Variants in TMEM68 observed in about 807,000 individuals in gnomAD.
The protein encoded by TMEM68 is DGAT1/2-independent enzyme synthesizing storage lipids.
A neutral mutation model predicts 36.9 loss-of-function variants in TMEM68; 25 were observed. The observed-to-expected ratio is 0.68, with a 90% CI of 0.49 to 0.95. The LOEUF is 0.95. Ranked by LOEUF, TMEM68 falls within the 40% of genes least tolerant of loss-of-function variation. TMEM68 has a pLI of 0.00. For synonymous variants in TMEM68, 131 were observed against 124.4 expected, an observed-to-expected ratio of 1.05 and a Z score of -0.35; for missense variants, 333 against 392.0, an observed-to-expected ratio of 0.85 and a Z score of 1.27.
chr8:55,743,626 T>G lies in TMEM68; in HGVS notation c.749-6A>C. On this transcript the variant is annotated splice_region_variant and splice_polypyrimidine_tract_variant and intron_variant, in intron 6 of 7. Coordinates refer to ENST00000434581, the MANE Select transcript of TMEM68 (RefSeq NM_001286657.2). ...ATAAAGCCACCTAAATAACCCTGTTTTAGAGTAAATACAATCATTTTAACT... is the reference window on the plus strand; with the variant it reads ...ATAAAGCCACCTAAATAACCCTGTTGTAGAGTAAATACAATCATTTTAACT... 1 of 1,531,552 alleles carries G rather than the reference T, an allele frequency of 6.5e-7. No homozygotes were observed. 94.9% of individuals were successfully genotyped at this position (1,531,552 alleles called of 1,614,324 possible).
intron 7 of TMEM68, among the ~76,000 whole-genome samples, chr8:55,741,276 C>T (rs1441775231): frequency 6.6e-6 from 1 of 152,070 alleles, no homozygotes; most frequent in Non-Finnish European, 1.5e-5. Context: ...CCACAGTTTT[C>T]ATACCTGTAA....
chr8:55,749,339 T>C (rs1810368761), intron 5 of TMEM68, among the ~76,000 whole-genome samples: 1 of 152,238 alleles, frequency 6.6e-6, no homozygotes, highest in Admixed American at 6.5e-5. Context: ...TAATTTCTAT[T>C]ACTATGTTAC....
chr8:55,752,412 C>T (rs1043762776), intron 4 of TMEM68, among the ~76,000 whole-genome samples: 1 of 151,912 alleles, frequency 6.6e-6, no homozygotes, highest in Non-Finnish European at 1.5e-5. Flanking sequence ...CATGGCAAAA[C>T]CCCATCTCTA....
chr8:55,763,433 G>A (rs1810866225), intron 2 of TMEM68: 1 of 152,482 alleles, frequency 6.6e-6, no homozygotes, highest in Non-Finnish European at 1.5e-5. Context: ...CTTTTGCTCG[G>A]GCTGGAGTAC....
intron 4 of TMEM68, among the ~76,000 whole-genome samples, chr8:55,752,655 T>C (rs769519684): frequency 8.6e-5 from 13 of 151,288 alleles, no homozygotes; most frequent in Non-Finnish European, 1.9e-4. Flanking sequence ...TTCAACTAGA[T>C]GCATTCTCAT....
At chr8:55,769,999 C>T (rs915180010) in intron 1 of TMEM68, among the ~76,000 whole-genome samples, 5 of 152,166 alleles carry the variant, frequency 3.3e-5, no homozygotes, top group African/African-American at 1.2e-4. Context: ...AGAGAACTAT[C>T]AGAGGAATTT....
chr8:55,763,057 T>C, intron 2 of TMEM68, 29 bp from the exon 3 acceptor site: 1 of 1,304,590 alleles, frequency 7.7e-7, no homozygotes, highest in Non-Finnish European at 1.0e-6. Flanking sequence ...CCAGTATTAT[T>C]TTCTCCACAG....
chr8:55,743,487 AG>A lies in TMEM68; in HGVS notation c.881del (p.Ala294ValfsTer11). The part of the protein sequence containing the change: ...YDPQITAEEL[A>X]EKTKNAVQAL... ...AAAAGAAAAAGCAATTTACCTTTTC[AG>A]CTAATTCTTCCGCTGTTATCTGTGG... On this transcript the variant is annotated frameshift_variant, in exon 7 of 8. Transcript: ENST00000434581. LOFTEE classifies it high-confidence loss of function. 3.9e-6 allele frequency: 6 copies of A among 1,524,330 alleles called. No homozygotes were observed. Among genetic ancestry groups the A allele is most frequent in the Non-Finnish European group, 5.2e-6 (6 of 1,144,022 alleles). The allele number at this position is 1,524,330 out of a possible 1,614,324, so 94.4% of individuals were successfully genotyped here. A position where few individuals can be genotyped will look rare whatever the true frequency, so the allele number is the denominator to read the frequency against.
rs547648405 is a variant in TMEM68 at position 55,741,801 on chromosome 8, C to T, written c.889-1583G>A. Reference sequence around the variant, plus strand: ...TATTCAAAAGCTGGGTAAGGTAAGGCTTTAAAATTAATTTCAATTAAATCA... The same window carrying T: ...TATTCAAAAGCTGGGTAAGGTAAGGTTTTAAAATTAATTTCAATTAAATCA... On this transcript the variant is annotated intron_variant, in intron 7 of 7. Coordinates refer to ENST00000434581, the MANE Select transcript of TMEM68 (RefSeq NM_001286657.2). Among the ~76,000 whole-genome samples, 17 of 152,152 alleles carry T rather than the reference C, an allele frequency of 1.1e-4. 1 individual carries two copies. The South Asian group carries it at 3.5e-3, about 32-fold the overall frequency.
chr8:55,766,568 G>C (rs551115092), intron 1 of TMEM68, among the ~76,000 whole-genome samples: 1 of 152,050 alleles, frequency 6.6e-6, no homozygotes, highest in African/African-American at 2.4e-5. Flanking sequence ...AGTAGAGACA[G>C]GGTTTCACCA....
At position 55,756,431 on chromosome 8, in the gene TMEM68, C is replaced by T. The variant is rs778833435; in HGVS notation, c.326-20G>A. ...CATAACCTGTTTGAATGACAAAATG[C>T]AAATACTTAAAATATATTCATTAAT... is the stretch of plus-strand genomic sequence containing the variant. On this transcript the variant is annotated intron_variant, in intron 3 of 7. Coordinates refer to ENST00000434581, the MANE Select transcript of TMEM68 (RefSeq NM_001286657.2). The T allele has an allele frequency of 1.3e-6, 2 of 1,543,670 alleles. No individual in the cohort carries two copies. Among genetic ancestry groups the T allele is most frequent in the Admixed American group, 4.5e-5 (2 of 44,158 alleles).
intron 7 of TMEM68, among the ~76,000 whole-genome samples, 179 bp downstream of exon 7, chr8:55,743,302 T>C (rs1810160981): frequency 6.6e-6 from 1 of 152,176 alleles, no homozygotes; most frequent in Non-Finnish European, 1.5e-5. Flanking sequence ...AACTCCTGCC[T>C]GTAGTGACAA....
chr8:55,762,531 A>C, intron 3 of TMEM68, 104 bp downstream of exon 3: 1 of 1,559,970 alleles, frequency 6.4e-7, no homozygotes, highest in Non-Finnish European at 8.7e-7. Flanking sequence ...TATCACTTCT[A>C]TTATATTTTT....
chr8:55,771,025 C>T (rs1350730284), intron 1 of TMEM68, among the ~76,000 whole-genome samples: 2 of 152,044 alleles, frequency 1.3e-5, no homozygotes, highest in East Asian at 3.9e-4. Flanking sequence ...TGTGGTGGCG[C>T]ATGCCTGTAA....
At chr8:55,754,887 T>C (rs1179531217) in intron 4 of TMEM68, among the ~76,000 whole-genome samples, 1 of 136,204 alleles carries the variant, frequency 7.3e-6, no homozygotes, top group Non-Finnish European at 1.5e-5. Context: ...ATATTTATAT[T>C]ATATATAAAA....
chr8:55,764,358 A>T (rs1003334119), intron 1 of TMEM68, among the ~76,000 whole-genome samples: 2 of 152,238 alleles, frequency 1.3e-5, no homozygotes, highest in Non-Finnish European at 2.9e-5. Flanking sequence ...ATACAATTAT[A>T]TTAGCCCTAT....
chr8:55,764,050 G>C (rs962640982), intron 1 of TMEM68, 70 bp from the exon 2 acceptor site: 3 of 152,050 alleles, frequency 2.0e-5, no homozygotes, highest in East Asian at 3.9e-4. Context: ...TTAATACCTA[G>C]AGTTAGCATT....
chr8:55,743,169 A>G (rs1437333386), intron 7 of TMEM68, among the ~76,000 whole-genome samples: 3 of 152,074 alleles, frequency 2.0e-5, no homozygotes, highest in South Asian at 2.1e-4. Flanking sequence ...ACTTTCTCCC[A>G]AACTCCAGTC....
rs556815424 is a variant in TMEM68, at chr8:55,744,950, G to T, written c.748+111C>A. ...CTTTAAACAGAAAAACGTCTAAATA[G>T]TATATCCATTTTCTAAAGATAATAA... On this transcript the variant is annotated intron_variant, in intron 6 of 7. Coordinates refer to ENST00000434581, the MANE Select transcript of TMEM68 (RefSeq NM_001286657.2). The T allele has an allele frequency of 1.5e-4, 91 of 611,212 alleles. 2 individuals carry two copies. In the East Asian group the frequency reaches 2.8e-3, roughly 19 times the overall value. 37.9% of individuals were successfully genotyped at this position (611,212 alleles called of 1,614,324 possible). A position where few individuals can be genotyped will look rare whatever the true frequency, so the allele number is the denominator to read the frequency against.
Sources: allele counts gnomAD v4.1 joint callset (sites outside exome capture counted in the v4.1 genomes callset), GRCh38; gene constraint gnomAD v4.1.1; transcripts MANE v1.5; gene names NCBI Gene and HGNC (gene_info 2026-07-23, HGNC 2026-07-21).